MALRD1: variants seen among roughly 807,000 people sequenced by gnomAD.
MALRD1 encodes the protein MAM and LDL receptor class A domain containing 1.
In MALRD1, 247 loss-of-function variants were observed where a neutral mutation model predicts 242.1. The ratio of observed to expected loss-of-function variants is 1.02; its 90% CI spans 0.92 to 1.13. The LOEUF (loss-of-function observed/expected upper bound fraction) is 1.13, where lower values mean the gene tolerates loss of function less well. Among genes scored for constraint, MALRD1 ranks in the 50% most tolerant of loss-of-function variants. MALRD1 has a pLI of 0.00. For synonymous variants in MALRD1, 995 were observed against 866.6 expected, an observed-to-expected ratio of 1.15 and a Z score of -2.60; for missense variants, 2,989 against 2,533.1, an observed-to-expected ratio of 1.18 and a Z score of -3.86.
intron 31 of MALRD1, among the ~76,000 whole-genome samples, chr10:19,526,501 T>C (rs1589196865): frequency 6.6e-6 from 1 of 152,068 alleles, no homozygotes; most frequent in Admixed American, 6.6e-5. Flanking sequence ...TCCAGGTACA[T>C]TTTTGCTTTC....
intron 28 of MALRD1, 55 bp downstream of exon 28, chr10:19,389,664 G>C: frequency 6.6e-7 from 1 of 1,505,104 alleles, no homozygotes; most frequent in Middle Eastern, 2.3e-4. Context: ...TTTAGAGACA[G>C]GGTCTTGCTC....
At chr10:19,301,945 G>A (rs1841968617) in intron 21 of MALRD1, among the ~76,000 whole-genome samples, 1 of 151,704 alleles carries the variant, frequency 6.6e-6, no homozygotes, top group Non-Finnish European at 1.5e-5. Flanking sequence ...CTTTAAAATA[G>A]GAAAAGCATT....
intron 19 of MALRD1, among the ~76,000 whole-genome samples, chr10:19,264,695 C>T (rs1178640582): frequency 2.0e-5 from 3 of 152,054 alleles, no homozygotes; most frequent in East Asian, 1.9e-4. Context: ...CCTCGTTATC[C>T]GCCTGCCTCG....
intron 34 of MALRD1, among the ~76,000 whole-genome samples, chr10:19,599,751 G>A (rs1331360427): frequency 6.6e-6 from 1 of 152,102 alleles, no homozygotes; most frequent in Non-Finnish European, 1.5e-5. Context: ...AGTGTGAGAG[G>A]AGGTTCAGTT....
At chr10:19,264,622 T>C (rs1304975963) in intron 19 of MALRD1, among the ~76,000 whole-genome samples, 1 of 151,878 alleles carries the variant, frequency 6.6e-6, no homozygotes, top group Non-Finnish European at 1.5e-5. Context: ...CCCAGCTAAT[T>C]TTTTGTACTT....
intron 36 of MALRD1, among the ~76,000 whole-genome samples, chr10:19,667,333 T>C (rs1203901134): frequency 1.3e-5 from 2 of 152,132 alleles, no homozygotes; most frequent in Non-Finnish European, 2.9e-5. Flanking sequence ...AGTAACAGCT[T>C]ACTTAGCAGG....
chr10:19,293,678 C>T lies in MALRD1; in HGVS notation c.3419+10497C>T, dbSNP rs566099567. Among the ~76,000 whole-genome samples the T allele has an allele frequency of 9.7e-4, 148 of 152,144 alleles. 1 individual carries two copies. The highest frequency in any genetic ancestry group is 1.8e-3 in the Non-Finnish European group (120 of 68,034). ...AACAGAAAACCAAATACTGTATGCT[C>T]TCACTTATAAGTGGGAGCTAAATGA... On this transcript the variant is annotated intron_variant, in intron 21 of 39. Transcript: ENST00000454679.
At position 19,734,291 on chromosome 10, in the gene MALRD1, C is replaced by T; in HGVS notation, c.*54C>T. On this transcript the variant is annotated 3_prime_UTR_variant, in exon 40 of 40. Coordinates refer to ENST00000454679, the MANE Select transcript of MALRD1 (RefSeq NM_001142308.3). ...TGTGTAGTTTCTAGAAAATTGAAGT[C>T]TCCACAATCTGATAGAAACTCATCT... 7.2e-7 allele frequency: 1 copy of T among 1,380,194 alleles called. No individual in the cohort carries two copies. The highest frequency in any genetic ancestry group is 1.3e-5 in the South Asian group (1 of 79,154). The allele number at this position is 1,380,194 out of a possible 1,614,324, so 85.5% of individuals were successfully genotyped here.
At chr10:19,168,115 G>C (rs754417527) in intron 13 of MALRD1, among the ~76,000 whole-genome samples, 1 of 152,102 alleles carries the variant, frequency 6.6e-6, no homozygotes, top group Non-Finnish European at 1.5e-5. Context: ...CTCTAGGCTC[G>C]ATCATTAAAG....
At chr10:19,552,119 G>A (rs762454773) in intron 32 of MALRD1, among the ~76,000 whole-genome samples, 8 of 152,244 alleles carry the variant, frequency 5.3e-5, no homozygotes, top group Non-Finnish European at 8.8e-5. Flanking sequence ...ATGAGTTAGA[G>A]AGGAGTCCCT....
intron 8 of MALRD1, among the ~76,000 whole-genome samples, chr10:19,132,276 G>A (rs978443471): frequency 4.6e-5 from 7 of 152,290 alleles, no homozygotes; most frequent in African/African-American, 1.4e-4. Flanking sequence ...AATAACTGAA[G>A]TTGTGTAAGA....
chr10:19,591,802 A>G (rs951680559), intron 33 of MALRD1, among the ~76,000 whole-genome samples: 2 of 152,218 alleles, frequency 1.3e-5, no homozygotes, highest in Non-Finnish European at 2.9e-5. Context: ...CCATCCGGCC[A>G]CACTTCTTGA....
intron 36 of MALRD1, among the ~76,000 whole-genome samples, chr10:19,647,987 G>C (rs190626927): frequency 1.3e-5 from 2 of 152,240 alleles, no homozygotes; most frequent in Admixed American, 6.5e-5. Context: ...GGCACAGAAT[G>C]TAAGTGTCCA....
intron 24 of MALRD1, among the ~76,000 whole-genome samples, chr10:19,347,239 C>T (rs1289205517): frequency 6.6e-6 from 1 of 152,094 alleles, no homozygotes; most frequent in Non-Finnish European, 1.5e-5. Flanking sequence ...TGCAACTTAA[C>T]CTATTTAATT....
Position 19,482,652 on chromosome 10 carries a change from T to TACACACACACACACAC in MALRD1, c.5030-8841_5030-8826dup, listed in dbSNP as rs144094060. ...AGAGCACAATCCCATTTACAATAGC[T>TACACACACACACACAC]ACACACACACACACACACACACACA... On this transcript the variant is annotated intron_variant, in intron 29 of 39. Coordinates refer to ENST00000454679, the MANE Select transcript of MALRD1 (RefSeq NM_001142308.3). Among the ~76,000 whole-genome samples the TACACACACACACACAC allele has an allele frequency of 9.4e-3, 1,285 of 136,398 alleles. 9 individuals carry two copies. The highest frequency in any genetic ancestry group is 0.036 in the East Asian group (158 of 4,440). The allele number at this position is 136,398 out of a possible 152,430, so 89.5% of individuals were successfully genotyped here. A position where few individuals can be genotyped will look rare whatever the true frequency, so the allele number is the denominator to read the frequency against.
At chr10:19,268,786 T>C (rs1840073052) in intron 19 of MALRD1, among the ~76,000 whole-genome samples, 1 of 152,340 alleles carries the variant, frequency 6.6e-6, no homozygotes, top group Non-Finnish European at 1.5e-5. Context: ...TTGGAAAATC[T>C]ATTTTACCAG....
intron 33 of MALRD1, among the ~76,000 whole-genome samples, chr10:19,592,876 T>G (rs995979218): frequency 6.6e-6 from 1 of 152,076 alleles, no homozygotes; most frequent in Non-Finnish European, 1.5e-5. Flanking sequence ...AAGAAAAGGT[T>G]AATACTTAGC....
At chr10:19,134,053 G>A (rs183115659) in intron 9 of MALRD1, 105 bp downstream of exon 9, 8 of 446,630 alleles carry the variant, frequency 1.8e-5, no homozygotes, top group African/African-American at 1.4e-4. Context: ...AGTTAAGTTA[G>A]GGATGCGTGC....
chr10:19,255,363 A>G (rs887042394), intron 18 of MALRD1, among the ~76,000 whole-genome samples: 1 of 151,884 alleles, frequency 6.6e-6, no homozygotes, highest in African/African-American at 2.4e-5. Context: ...GTTCTCGGGG[A>G]AAAACACCAT....
Sources: gnomAD v4.1 joint callset for allele counts (sites outside exome capture counted in the v4.1 genomes callset) on GRCh38, gnomAD v4.1.1 for gene constraint, MANE v1.5 for transcripts, NCBI Gene and HGNC (gene_info 2026-07-23, HGNC 2026-07-21) for gene names.